KBTBD12: variants seen among roughly 807,000 people sequenced by gnomAD.
KBTBD12 encodes kelch repeat and BTB domain-containing protein 12.
In KBTBD12, 53 loss-of-function variants were observed where a neutral mutation model predicts 58.7. The ratio of observed to expected loss-of-function variants is 0.90; its 90% CI spans 0.72 to 1.14. KBTBD12 has a LOEUF of 1.14. Among genes scored for constraint, KBTBD12 ranks in the 50% most tolerant of loss-of-function variants. The pLI is 0.00. For synonymous variants in KBTBD12, 236 were observed against 259.8 expected (o/e 0.91, Z 0.88); for missense variants, 704 against 751.3 (o/e 0.94, Z 0.74).
intron 4 of KBTBD12, among the ~76,000 whole-genome samples, chr3:127,940,125 C>T (rs1323985745): frequency 6.6e-6 from 1 of 152,022 alleles, no homozygotes; most frequent in African/African-American, 2.4e-5. Context: ...TCTGACAAAA[C>T]TGAAAGGAGA....
rs765056742 is a variant in KBTBD12, at chr3:127,924,096, C to G, written c.1035C>G (p.Leu345=). ...CTGGAGAAGCAAGTGCCTCTAAACT[C>G]TCTAGACAAAAGAACAAGAATGTTG... ...IVAGEASASK[L]SRQKNKNVEI... The change falls in exon 2 of 6, where the codon CTC becomes CTG. Residue 345 remains leucine, a synonymous_variant. Coordinates refer to ENST00000405109, the MANE Select transcript of KBTBD12 (RefSeq NM_207335.4). The G allele has an allele frequency of 2.3e-5, 37 of 1,611,830 alleles. No individual in the cohort carries two copies. The highest frequency in any genetic ancestry group is 2.4e-5 in the Non-Finnish European group (28 of 1,178,868).
chr3:127,975,458 C>T (rs970442709), intron 5 of KBTBD12, among the ~76,000 whole-genome samples: 1 of 152,188 alleles, frequency 6.6e-6, no homozygotes, highest in Non-Finnish European at 1.5e-5. Context: ...ATAAAGAAGG[C>T]TTATTACTGT....
chr3:127,915,247 G>C lies in KBTBD12; in HGVS notation c.-452G>C, dbSNP rs1939197152. ...GGGGACGCTCAGTAGGGTACGGGACGCGCGCGGGGAGACCCTGTGCAGCGA... is the reference window on the plus strand; with the variant it reads ...GGGGACGCTCAGTAGGGTACGGGACCCGCGCGGGGAGACCCTGTGCAGCGA... On this transcript the variant is annotated 5_prime_UTR_variant, in exon 1 of 6. Transcript: ENST00000405109. 1 of 152,230 alleles carries C rather than the reference G, an allele frequency of 6.6e-6. No individual in the cohort carries two copies. The highest frequency in any genetic ancestry group is 2.1e-4 in the South Asian group (1 of 4,828). 9.4% of individuals were successfully genotyped at this position (152,230 alleles called of 1,614,324 possible).
At chr3:127,949,021 C>T (rs941616164) in intron 4 of KBTBD12, among the ~76,000 whole-genome samples, 4 of 152,116 alleles carry the variant, frequency 2.6e-5, no homozygotes, top group African/African-American at 9.7e-5. Context: ...CCTTCCTTGC[C>T]TGCAACCATA....
In KBTBD12 at chr3:127,937,974, G is replaced by T. The variant is rs187270915; in HGVS notation, c.1492+7691G>T. ...TAATGAGATGGTCTTTCAAGAATACGGATGAAATAAAGACATTTTCAGATG... is the reference window on the plus strand; with the variant it reads ...TAATGAGATGGTCTTTCAAGAATACTGATGAAATAAAGACATTTTCAGATG... On this transcript the variant is annotated intron_variant, in intron 4 of 5. Transcript: ENST00000405109. Among the ~76,000 whole-genome samples the T allele has an allele frequency of 1.2e-4, 19 of 152,106 alleles. No individual in the cohort carries two copies. In the East Asian group the frequency reaches 3.7e-3, roughly 29 times the overall value.
chr3:127,979,453 A>T (rs1940838918), intron 5 of KBTBD12, among the ~76,000 whole-genome samples: 2 of 152,250 alleles, frequency 1.3e-5, no homozygotes, highest in Non-Finnish European at 2.9e-5. Flanking sequence ...TCCATGGATC[A>T]AATTGATTTT....
intron 5 of KBTBD12, among the ~76,000 whole-genome samples, chr3:127,974,199 A>T (rs1011229047): frequency 6.6e-6 from 1 of 152,238 alleles, no homozygotes; most frequent in African/African-American, 2.4e-5. Flanking sequence ...GCTAAGAAAC[A>T]TTTCCAGAAT....
chr3:127,947,831 A>G (rs1250775703), intron 4 of KBTBD12, among the ~76,000 whole-genome samples: 1 of 152,186 alleles, frequency 6.6e-6, no homozygotes, highest in Admixed American at 6.5e-5. Context: ...CTTGGTCCAG[A>G]ATCAGCAAAT....
intron 2 of KBTBD12, among the ~76,000 whole-genome samples, chr3:127,926,518 G>A (rs1022291425): frequency 3.3e-5 from 5 of 152,232 alleles, no homozygotes; most frequent in East Asian, 1.9e-4. Context: ...ATCATAAGGC[G>A]TGATAAATTT....
chr3:127,936,671 T>A (rs1939837340), intron 4 of KBTBD12, among the ~76,000 whole-genome samples: 1 of 152,182 alleles, frequency 6.6e-6, no homozygotes, highest in Non-Finnish European at 1.5e-5. Context: ...AATTGTAAGC[T>A]TTAGTTTCCC....
At chr3:127,946,039 C>T (rs1463516576) in intron 4 of KBTBD12, among the ~76,000 whole-genome samples, 1 of 152,192 alleles carries the variant, frequency 6.6e-6, no homozygotes, top group Non-Finnish European at 1.5e-5. Context: ...TGACTTATTA[C>T]AGTCTACCTT....
intron 4 of KBTBD12, among the ~76,000 whole-genome samples, chr3:127,932,352 T>G (rs1939723838): frequency 6.6e-6 from 1 of 152,190 alleles, no homozygotes; most frequent in Non-Finnish European, 1.5e-5. Flanking sequence ...TCACTGTATA[T>G]ATAATTGGAA....
At chr3:127,970,109 A>G (rs1940654833) in intron 5 of KBTBD12, among the ~76,000 whole-genome samples, 2 of 152,218 alleles carry the variant, frequency 1.3e-5, no homozygotes, top group Admixed American at 6.5e-5. Flanking sequence ...TAATAAAAAG[A>G]TAACATATTT....
chr3:127,942,646 CTA>C (rs1227492350), intron 4 of KBTBD12, among the ~76,000 whole-genome samples: 1 of 146,238 alleles, frequency 6.8e-6, no homozygotes, highest in African/African-American at 2.5e-5. Flanking sequence ...CTATATATAA[CTA>C]TATATATAAC....
At chr3:127,944,749 C>A (rs1016598554) in intron 4 of KBTBD12, among the ~76,000 whole-genome samples, 4 of 152,106 alleles carry the variant, frequency 2.6e-5, no homozygotes, top group African/African-American at 9.7e-5. Context: ...TGTAATAAAT[C>A]TTAAAGAATA....
chr3:127,920,669 C>T lies in KBTBD12; in HGVS notation c.-112-2281C>T, dbSNP rs142602838. 7.3e-4 allele frequency among the ~76,000 whole-genome samples: 111 copies of T among 151,994 alleles called. 1 individual carries two copies. In the East Asian group the frequency reaches 0.018, roughly 25 times the overall value. On this transcript the variant is annotated intron_variant, in intron 1 of 5. Coordinates refer to ENST00000405109, the MANE Select transcript of KBTBD12 (RefSeq NM_207335.4). The stretch of plus-strand genomic sequence containing the variant: ...ATAAAATTAAACACTGTCAAACATT[C>T]GTGGCTTAAAGAAATTGACTTTTTT...
intron 5 of KBTBD12, among the ~76,000 whole-genome samples, chr3:127,976,332 A>G (rs918492191): frequency 3.3e-5 from 5 of 152,100 alleles, no homozygotes. Flanking sequence ...GCTTGTTGAC[A>G]TGTCTTCTCA....
chr3:127,915,931 C>T (rs1939224054), intron 1 of KBTBD12, among the ~76,000 whole-genome samples: 1 of 152,236 alleles, frequency 6.6e-6, no homozygotes, highest in Non-Finnish European at 1.5e-5. Context: ...TTCCCTGTTC[C>T]TGGTTGTCTT....
At chr3:127,920,725 T>A (rs1360378970) in intron 1 of KBTBD12, among the ~76,000 whole-genome samples, 1 of 151,456 alleles carries the variant, frequency 6.6e-6, no homozygotes, top group African/African-American at 2.4e-5. Context: ...AGTGGTCCAT[T>A]TCTCAAAATG....
Sources: gnomAD v4.1 joint callset for allele counts (sites outside exome capture counted in the v4.1 genomes callset) on GRCh38, gnomAD v4.1.1 for gene constraint, MANE v1.5 for transcripts, NCBI Gene and HGNC (gene_info 2026-07-23, HGNC 2026-07-21) for gene names.